The following GBE1 variants were observed in gnomAD, a reference collection of about 807,000 sequenced individuals.
The protein encoded by GBE1 is 1,4-alpha-glucan-branching enzyme.
Under a neutral mutation model 88.8 loss-of-function variants are expected in GBE1, and 70 were observed. The ratio of observed to expected loss-of-function variants is 0.79; its 90% CI spans 0.65 to 0.96. GBE1 has a LOEUF of 0.96. GBE1 is among the 40% of genes least tolerant of loss of function. GBE1 has a pLI of 0.00. For synonymous variants in GBE1, 284 were observed against 300.1 expected, an observed-to-expected ratio of 0.95 and a Z score of 0.56; for missense variants, 872 against 871.0, an observed-to-expected ratio of 1.00 and a Z score of -0.01.
At chr3:81,491,337 C>A (rs1702433635) in intron 15 of GBE1, among the ~76,000 whole-genome samples, 1 of 152,048 alleles carries the variant, frequency 6.6e-6, no homozygotes, top group Admixed American at 6.6e-5. Context: ...CATCTGTTTC[C>A]CTCATTAGAC....
chr3:81,689,610 C>T (rs918905177), intron 2 of GBE1, among the ~76,000 whole-genome samples: 3 of 152,088 alleles, frequency 2.0e-5, no homozygotes, highest in African/African-American at 7.2e-5. Flanking sequence ...TAAAATAGCC[C>T]GCAAGGCCCT....
At chr3:81,714,728 C>T (rs553360106) in intron 1 of GBE1, among the ~76,000 whole-genome samples, 60 of 152,130 alleles carry the variant, frequency 3.9e-4, no homozygotes, top group Non-Finnish European at 4.7e-4. Context: ...ATAGACTGGA[C>T]GGTTTAAAAA....
chr3:81,668,172 A>C (rs992155970), intron 3 of GBE1, among the ~76,000 whole-genome samples: 19 of 152,110 alleles, frequency 1.2e-4, no homozygotes, highest in African/African-American at 4.1e-4. Flanking sequence ...TTGAACAATG[A>C]GAATACACGG....
intron 14 of GBE1, among the ~76,000 whole-genome samples, chr3:81,524,057 T>C (rs1702909488): frequency 6.6e-6 from 1 of 151,776 alleles, no homozygotes; most frequent in Non-Finnish European, 1.5e-5. Context: ...ATTTTTAGCT[T>C]TTCTGAGTAA....
intron 3 of GBE1, among the ~76,000 whole-genome samples, chr3:81,659,410 A>G (rs1449260788): frequency 1.3e-5 from 2 of 151,528 alleles, no homozygotes; most frequent in Admixed American, 1.3e-4. Context: ...ATCTCGCCTC[A>G]CTGCAACCTC....
chr3:81,623,828 C>T (rs1704364945), intron 7 of GBE1, among the ~76,000 whole-genome samples: 1 of 152,022 alleles, frequency 6.6e-6, no homozygotes, highest in South Asian at 2.1e-4. Flanking sequence ...TCATGCCTGG[C>T]TATTTTTATT....
intron 11 of GBE1, among the ~76,000 whole-genome samples, chr3:81,580,814 A>C (rs1363335747): frequency 6.6e-6 from 1 of 152,076 alleles, no homozygotes; most frequent in Admixed American, 6.6e-5. Context: ...AAGGCAGCCT[A>C]AGACGGAAAC....
At chr3:81,670,278 G>A (rs1461250315) in intron 3 of GBE1, among the ~76,000 whole-genome samples, 5 of 152,156 alleles carry the variant, frequency 3.3e-5, no homozygotes, top group East Asian at 1.9e-4. Flanking sequence ...TGTGGAGGAC[G>A]CTCAGCCTGC....
intron 14 of GBE1, among the ~76,000 whole-genome samples, chr3:81,532,321 C>T (rs1311464743): frequency 1.3e-5 from 2 of 151,912 alleles, no homozygotes; most frequent in Admixed American, 6.6e-5. Context: ...ATATTTTCTA[C>T]TCCCGCAACT....
In GBE1 at chr3:81,709,996, T is replaced by C. The variant is rs1039903522; in HGVS notation, c.144-4383A>G. Among the ~76,000 whole-genome samples, 27 of 152,300 alleles carry C rather than the reference T, an allele frequency of 1.8e-4. No homozygotes were observed. The East Asian group carries it at 4.2e-3, about 24-fold the overall frequency. ...ATTTTGTATAGATATAAAGAACTGT[T>C]ATAAAAATTATCAGATGTGACGTCT... On this transcript the variant is annotated intron_variant, in intron 1 of 15. Transcript: ENST00000429644.
At chr3:81,723,505 C>T (rs1307308110) in intron 1 of GBE1, among the ~76,000 whole-genome samples, 6 of 152,044 alleles carry the variant, frequency 3.9e-5, no homozygotes, top group Admixed American at 3.9e-4. Context: ...AATTTTTTCA[C>T]CTTAGATTTT....
chr3:81,516,865 C>T (rs896508029), intron 14 of GBE1, among the ~76,000 whole-genome samples: 4 of 151,544 alleles, frequency 2.6e-5, no homozygotes, highest in African/African-American at 9.7e-5. Context: ...AACCTAAAGA[C>T]GTGACTGAAT....
intron 1 of GBE1, among the ~76,000 whole-genome samples, chr3:81,749,538 A>G (rs1228498811): frequency 2.0e-5 from 3 of 152,216 alleles, no homozygotes; most frequent in Non-Finnish European, 4.4e-5. Context: ...CTATATCTTC[A>G]TTGCAGTGTC....
intron 15 of GBE1, among the ~76,000 whole-genome samples, chr3:81,497,512 T>A (rs1393158898): frequency 6.6e-6 from 1 of 152,114 alleles, no homozygotes; most frequent in East Asian, 1.9e-4. Flanking sequence ...GAAACTGCAG[T>A]GCAAAAAAAG....
intron 1 of GBE1, among the ~76,000 whole-genome samples, chr3:81,718,577 C>G (rs1379570829): frequency 6.6e-6 from 1 of 152,096 alleles, no homozygotes; most frequent in Non-Finnish European, 1.5e-5. Flanking sequence ...ATTTTACCTC[C>G]AAAGCATTGG....
chr3:81,568,869 T>C (rs1355067543), intron 12 of GBE1, among the ~76,000 whole-genome samples: 1 of 152,102 alleles, frequency 6.6e-6, no homozygotes, highest in Non-Finnish European at 1.5e-5. Flanking sequence ...AATGGAGAGA[T>C]AACATTTATA....
intron 7 of GBE1, among the ~76,000 whole-genome samples, chr3:81,639,350 T>TAA (rs1553687942): frequency 2.8e-3 from 418 of 151,556 alleles, no homozygotes; most frequent in East Asian, 0.012. Flanking sequence ...TATTTTTTTT[T>TAA]AAAAAAAATG....
intron 7 of GBE1, among the ~76,000 whole-genome samples, chr3:81,625,643 T>C (rs1704403743): frequency 6.6e-6 from 1 of 152,134 alleles, no homozygotes; most frequent in Non-Finnish European, 1.5e-5. Context: ...GGTTTCGCTA[T>C]GTTACCTAGG....
At chr3:81,665,789 A>G (rs1705106243) in intron 3 of GBE1, among the ~76,000 whole-genome samples, 1 of 152,174 alleles carries the variant, frequency 6.6e-6, no homozygotes, top group Non-Finnish European at 1.5e-5. Flanking sequence ...AATTCAGAGC[A>G]CTTCTATGAC....
Sources: gnomAD v4.1 joint callset for allele counts (sites outside exome capture counted in the v4.1 genomes callset) on GRCh38, gnomAD v4.1.1 for gene constraint, MANE v1.5 for transcripts, NCBI Gene and HGNC (gene_info 2026-07-23, HGNC 2026-07-21) for gene names.